TNRC6B: variants seen among roughly 807,000 people sequenced by gnomAD.
TNRC6B encodes trinucleotide repeat-containing gene 6B protein.
Under a neutral mutation model 203.6 loss-of-function variants are expected in TNRC6B, and 52 were observed. The ratio of observed to expected loss-of-function variants is 0.26; its 90% CI spans 0.20 to 0.32. The LOEUF is 0.32. TNRC6B is among the 10% of genes least tolerant of loss of function. The pLI is 1.00. For synonymous variants in TNRC6B, 838 were observed against 845.7 expected, an observed-to-expected ratio of 0.99 and a Z score of 0.16; for missense variants, 1,923 against 2,286.2, an observed-to-expected ratio of 0.84 and a Z score of 3.24.
chr22:40,159,598 C>T (rs1267678456), intron 4 of TNRC6B, among the ~76,000 whole-genome samples: 1 of 151,510 alleles, frequency 6.6e-6, no homozygotes, highest in African/African-American at 2.4e-5. Context: ...AAGATTGTGC[C>T]ACTGCACTGC....
Position 40,264,827 on chromosome 22 carries a change from G to A in TNRC6B, c.597G>A (p.Glu199=). The A allele has an allele frequency of 6.2e-7, 1 of 1,613,982 alleles. No individual in the cohort carries two copies. The highest frequency in any genetic ancestry group is 8.5e-7 in the Non-Finnish European group (1 of 1,179,896). Residue 199 remains glutamate (E), a synonymous_variant, in exon 5 of 23, where the codon GAG becomes GAA. Transcript: ENST00000454349. ...TTGTAGACGGGTCTGACATGGAAGA[G>A]TGGCCTTGTATTGCCAGCAAAGACA... ...KVIVDGSDME[E]WPCIASKDTE...
At chr22:40,321,331 A>G in intron 22 of TNRC6B, 102 bp downstream of exon 22, 1 of 1,376,610 alleles carries the variant, frequency 7.3e-7, no homozygotes, top group Non-Finnish European at 9.9e-7. Context: ...AACATATACG[A>G]AGAATGGCAC....
intron 15 of TNRC6B, among the ~76,000 whole-genome samples, chr22:40,303,888 C>T (rs955587144): frequency 2.6e-5 from 4 of 152,248 alleles, no homozygotes; most frequent in South Asian, 2.1e-4. Context: ...TCCAGCCTGG[C>T]GACAGAGCAA....
chr22:40,231,162 A>C (rs183477579), intron 1 of TNRC6B, among the ~76,000 whole-genome samples: 20 of 152,256 alleles, frequency 1.3e-4, no homozygotes. Context: ...TTAACTTTAT[A>C]ATAAGTCTTC....
At chr22:40,151,189 T>G (rs1033537496) in intron 3 of TNRC6B, among the ~76,000 whole-genome samples, 1 of 152,034 alleles carries the variant, frequency 6.6e-6, no homozygotes, top group African/African-American at 2.4e-5. Flanking sequence ...GAGAATCGCT[T>G]GAACCAGAGA....
At chr22:40,308,983 C>T (rs1030727331) in intron 16 of TNRC6B, among the ~76,000 whole-genome samples, 5 of 152,232 alleles carry the variant, frequency 3.3e-5, no homozygotes, top group African/African-American at 1.2e-4. Flanking sequence ...ATAACAATAC[C>T]TATCTTGTTG....
intron 4 of TNRC6B, among the ~76,000 whole-genome samples, chr22:40,170,381 A>G (rs9607689): frequency 9.0e-4 from 69 of 76,308 alleles, no homozygotes; most frequent in East Asian, 4.7e-3. Context: ...TATATATTAT[A>G]TATATAGTTT....
chr22:40,289,499 T>C (rs2070839671), intron 12 of TNRC6B, among the ~76,000 whole-genome samples: 1 of 152,136 alleles, frequency 6.6e-6, no homozygotes, highest in Non-Finnish European at 1.5e-5. Flanking sequence ...TCTAGTCTCT[T>C]CTTACTCAGT....
At chr22:40,150,180 A>G (rs990014076) in intron 3 of TNRC6B, among the ~76,000 whole-genome samples, 3 of 152,154 alleles carry the variant, frequency 2.0e-5, no homozygotes, top group Non-Finnish European at 4.4e-5. Context: ...GATCAAGACC[A>G]TCCTGGCTAA....
intron 1 of TNRC6B, among the ~76,000 whole-genome samples, chr22:40,189,680 G>A (rs1403262471): frequency 6.6e-6 from 1 of 152,112 alleles, no homozygotes; most frequent in African/African-American, 2.4e-5. Flanking sequence ...GGAAATGCTT[G>A]ATTAGCTTTC....
chr22:40,140,182 A>G (rs1302028348), intron 3 of TNRC6B, among the ~76,000 whole-genome samples: 1 of 152,198 alleles, frequency 6.6e-6, no homozygotes, highest in Non-Finnish European at 1.5e-5. Context: ...GATGGGCAAA[A>G]CCAGTATACC....
chr22:40,208,127 A>AAC lies in TNRC6B; in HGVS notation c.5+29988_5+29989insCA, dbSNP rs1555889746. 5.7e-5 allele frequency among the ~76,000 whole-genome samples: 7 copies of AAC among 122,590 alleles called. 1 individual carries two copies. The highest frequency in any genetic ancestry group is 1.5e-4 in the African/African-American group (6 of 40,010). The allele number at this position is 122,590 out of a possible 152,430, so 80.4% of individuals were successfully genotyped here. A position where few individuals can be genotyped will look rare whatever the true frequency, so the allele number is the denominator to read the frequency against. On this transcript the variant is annotated intron_variant, in intron 1 of 22. Coordinates refer to ENST00000454349, the MANE Select transcript of TNRC6B (RefSeq NM_001162501.2). Reference sequence around the variant, plus strand: ...ACTCCATCTCAAAAAAAAAAAAAAAAAAAAACAAAAAAACAAGAAAAAAAC... The same window carrying AAC: ...ACTCCATCTCAAAAAAAAAAAAAAAAACAAAAACAAAAAAACAAGAAAAAAAC...
At chr22:40,256,520 A>T (rs2070280451) in intron 3 of TNRC6B, among the ~76,000 whole-genome samples, 1 of 152,144 alleles carries the variant, frequency 6.6e-6, no homozygotes, top group Admixed American at 6.5e-5. Flanking sequence ...ATTGGAGAAA[A>T]AATGGGGACA....
At chr22:40,183,725 C>T (rs1417226588) in intron 1 of TNRC6B, among the ~76,000 whole-genome samples, 1 of 151,206 alleles carries the variant, frequency 6.6e-6, no homozygotes, top group East Asian at 1.9e-4. Context: ...GAGATGGAGT[C>T]ACTCTGTCGC....
rs1222133539 is a variant in TNRC6B at position 40,266,248 on chromosome 22, G to A, written c.2018G>A (p.Ser673Asn). ...GGCTGGGGAGATGCACCCAGCCAAAGCAATCAAATGAAGTCTGGATGGGGG... is the reference window on the plus strand; with the variant it reads ...GGCTGGGGAGATGCACCCAGCCAAAACAATCAAATGAAGTCTGGATGGGGG... Reference protein sequence around the residue: ...SGGWGDAPSQSNQMKSGWGEL... With the variant: ...SGGWGDAPSQNNQMKSGWGEL... The change falls in exon 5 of 23, where the codon AGC (serine) becomes AAC (asparagine). Residue 673 changes from serine (S) to asparagine (N), a missense_variant. Transcript: ENST00000454349. The A allele has an allele frequency of 3.1e-6, 5 of 1,598,998 alleles. No individual in the cohort carries two copies. Among genetic ancestry groups the A allele is most frequent in the Non-Finnish European group, 8.5e-7 (1 of 1,172,404 alleles).
intron 1 of TNRC6B, among the ~76,000 whole-genome samples, chr22:40,089,680 A>G (rs754394117): frequency 6.6e-5 from 10 of 152,160 alleles, no homozygotes; most frequent in Non-Finnish European, 1.3e-4. Context: ...GTTATAAATG[A>G]TGAACTTATG....
chr22:40,144,232 A>G (rs2068671037), intron 3 of TNRC6B, among the ~76,000 whole-genome samples: 1 of 152,242 alleles, frequency 6.6e-6, no homozygotes. Flanking sequence ...CTCCATAGAA[A>G]TGACTGCATA....
chr22:40,068,304 G>A (rs1052317563), intron 1 of TNRC6B, among the ~76,000 whole-genome samples: 2 of 151,856 alleles, frequency 1.3e-5, no homozygotes, highest in South Asian at 2.1e-4. Context: ...TTTTACTTAC[G>A]TGGTTTGTTC....
At chr22:40,050,819 T>C (rs1012432028) in intron 1 of TNRC6B, among the ~76,000 whole-genome samples, 20 of 150,984 alleles carry the variant, frequency 1.3e-4, no homozygotes, top group African/African-American at 4.9e-4. Context: ...GTAGTTTTTT[T>C]GTTTTTGGGT....
Sources: allele counts gnomAD v4.1 joint callset (sites outside exome capture counted in the v4.1 genomes callset), GRCh38; gene constraint gnomAD v4.1.1; transcripts MANE v1.5; gene names NCBI Gene and HGNC (gene_info 2026-07-23, HGNC 2026-07-21).